CDH3: variants seen among roughly 807,000 people sequenced by gnomAD.
CDH3 encodes the protein cadherin-3.
A neutral mutation model predicts 82.0 loss-of-function variants in CDH3; 54 were observed. The ratio of observed to expected loss-of-function variants is 0.66; its 90% CI spans 0.53 to 0.83. The LOEUF is 0.83. Ranked by LOEUF, CDH3 falls within the 40% of genes least tolerant of loss-of-function variation. The probability of loss-of-function intolerance (pLI) is 0.00; values close to 1 mark genes in which losing one functional copy is unlikely to be tolerated. For missense variants in CDH3, 1,054 were observed against 1,084.6 expected (o/e 0.97, Z 0.40); for synonymous variants, 446 against 437.9 (o/e 1.02, Z -0.23).
chr16:68,688,812 G>C (rs748257581), intron 12 of CDH3, among the ~76,000 whole-genome samples: 18 of 152,068 alleles, frequency 1.2e-4, no homozygotes, highest in Non-Finnish European at 2.4e-4. Context: ...TAAAGGCATG[G>C]TTTTGCCATG....
rs1961981910 is a variant in CDH3, at chr16:68,707,769, A to C, written c.99+11846A>C. ...CTCGCTTGGTATTAGGCCCTCTCCA[A>C]GTTAGAGGTGGGGTGGGAAGCCACC... On this transcript the variant is annotated intron_variant, in intron 1 of 2. Transcript: ENST00000569080. This position sits in a 1 kb window ranked among gnomAD's most constrained non-coding sequence, Gnocchi z 4.5. Among the ~76,000 whole-genome samples the C allele has an allele frequency of 2.0e-5, 3 of 151,586 alleles. No individual in the cohort carries two copies. Among genetic ancestry groups the C allele is most frequent in the African/African-American group, 7.3e-5 (3 of 41,242 alleles).
At chr16:68,704,257 C>G (rs776075046), downstream of CDH3, among the ~76,000 whole-genome samples, 2 of 150,920 alleles carry the variant, frequency 1.3e-5, no homozygotes, top group African/African-American at 4.9e-5. Flanking sequence ...ACTGCACTCC[C>G]GCCTGGGCCA....
In CDH3 at chr16:68,698,487, G is replaced by A. The variant is rs555473968; in HGVS notation, c.*87G>A. 17 of 1,260,000 alleles carry A rather than the reference G, an allele frequency of 1.3e-5. No homozygotes were observed. Among genetic ancestry groups the A allele is most frequent in the Admixed American group, 1.8e-5 (1 of 54,604 alleles). 78.1% of individuals were successfully genotyped at this position (1,260,000 alleles called of 1,614,324 possible). A position where few individuals can be genotyped will look rare whatever the true frequency, so the allele number is the denominator to read the frequency against. On this transcript the variant is annotated 3_prime_UTR_variant, in exon 16 of 16. Coordinates refer to ENST00000264012, the MANE Select transcript of CDH3 (RefSeq NM_001793.6). ...AGTTCCCCCTTCAGCTGAGGACTTC[G>A]GAGCTTGTCAGGAAGTGGCCGTAGC... is the stretch of plus-strand genomic sequence containing the variant.
At chr16:68,694,287 T>C (rs1597819323) in intron 13 of CDH3, among the ~76,000 whole-genome samples, 1 of 129,086 alleles carries the variant, frequency 7.7e-6, no homozygotes. Flanking sequence ...CACTCCAGTC[T>C]GGGCAACAGA....
intron 3 of CDH3, 115 bp from the exon 4 acceptor site, chr16:68,678,019 G>A (rs1961080644): frequency 4.1e-6 from 4 of 965,106 alleles, no homozygotes; most frequent in Non-Finnish European, 6.7e-6. Flanking sequence ...AAAGTACTGG[G>A]ATTATAGGCG....
intron 15 of CDH3, 77 bp from the exon 16 acceptor site, chr16:68,698,114 C>G (rs1961788022): frequency 7.5e-7 from 1 of 1,326,374 alleles, no homozygotes; most frequent in African/African-American, 1.4e-5. Flanking sequence ...GAGGGGCTCA[C>G]AGAGAGGAAA....
chr16:68,651,364 G>A (rs1960238268), intron 2 of CDH3: 2 of 554,574 alleles, frequency 3.6e-6, no homozygotes, highest in Admixed American at 3.8e-5. Flanking sequence ...CACGGGGGCA[G>A]GATATGGTTC....
intron 12 of CDH3, among the ~76,000 whole-genome samples, chr16:68,689,556 AG>A (rs58822313): frequency 0.57 from 83,954 of 147,982 alleles, 23,845 homozygotes; most frequent in Middle Eastern, 0.62. Context: ...AAAAAAAAAA[AG>A]AAAGAAAGAA....
chr16:68,678,938 G>T lies in CDH3; in HGVS notation c.691+32G>T, dbSNP rs373057862. 2.5e-6 allele frequency: 4 copies of T among 1,610,404 alleles called. No individual in the cohort carries two copies. The African/African-American group carries it at 4.0e-5, about 16-fold the overall frequency. On this transcript the variant is annotated intron_variant, in intron 6 of 15. Transcript: ENST00000264012. ...GGACTGGGAAGGGGACTGCTACGGG[G>T]CTGGGCCCACACCCTTAAATGCTAA...
intron 1 of CDH3, among the ~76,000 whole-genome samples, chr16:68,711,029 G>A (rs1962022861): frequency 6.9e-6 from 1 of 145,066 alleles, no homozygotes; most frequent in Non-Finnish European, 1.5e-5. Flanking sequence ...GAGGGGAGGA[G>A]AGAAGGCGAG....
chr16:68,728,601 T>A (rs530408014), downstream of CDH3, among the ~76,000 whole-genome samples: 1 of 152,324 alleles, frequency 6.6e-6, no homozygotes, highest in Admixed American at 6.5e-5. Flanking sequence ...CAGCCCCTTA[T>A]GAGCTTCTTA....
chr16:68,708,026 C>A (rs2152109633), intron 1 of CDH3, among the ~76,000 whole-genome samples: 1 of 152,088 alleles, frequency 6.6e-6, no homozygotes, highest in Non-Finnish European at 1.5e-5. Context: ...AGACGATGCC[C>A]ACTAATTACA....
At chr16:68,693,847 T>G (rs1839159447) in intron 13 of CDH3, among the ~76,000 whole-genome samples, 1 of 152,122 alleles carries the variant, frequency 6.6e-6, no homozygotes, top group Non-Finnish European at 1.5e-5. Flanking sequence ...CAGGGTTAAC[T>G]GTGTGTAGGC....
chr16:68,721,229 C>CTTTTT (rs71148941), intron 1 of CDH3, among the ~76,000 whole-genome samples: 7 of 114,580 alleles, frequency 6.1e-5, no homozygotes, highest in Non-Finnish European at 8.4e-5. Flanking sequence ...GCAGTTTAGT[C>CTTTTT]TTTTTTTTTT....
Position 68,695,827 on chromosome 16 carries a change from G to C in CDH3, c.2184G>C (p.Val728=). 6.2e-7 allele frequency: 1 copy of C among 1,614,096 alleles called. No homozygotes were observed. ...LHRGLEARPE[V]VLRNDVAPTI... is the part of the protein sequence containing the mutation. ...GAGGTCTGGAGGCCAGGCCGGAGGT[G>C]GTTCTCCGCAATGACGTGGCACCAA... The change falls in exon 15 of 16, where the codon GTG becomes GTC. Residue 728 remains valine, a synonymous_variant. Transcript: ENST00000264012.
At chr16:68,672,542 C>T (rs1255512589) in intron 2 of CDH3, among the ~76,000 whole-genome samples, 1 of 152,196 alleles carries the variant, frequency 6.6e-6, no homozygotes, top group African/African-American at 2.4e-5. Context: ...GTCTACAAAG[C>T]TGTGTGCTGG....
At chr16:68,649,754 C>A (rs1050143799) in intron 2 of CDH3, among the ~76,000 whole-genome samples, 1 of 152,012 alleles carries the variant, frequency 6.6e-6, no homozygotes. Context: ...TACTGAGGGG[C>A]GAGGCGCGGT....
chr16:68,733,618 T>C, the CDH3 span, among the ~76,000 whole-genome samples: 1 of 152,212 alleles, frequency 6.6e-6, no homozygotes, highest in African/African-American at 2.4e-5. Context: ...GACGTGTGTC[T>C]GTAATCACAG....
intron 2 of CDH3, chr16:68,651,605 C>A: frequency 4.0e-6 from 2 of 506,242 alleles, no homozygotes; most frequent in South Asian, 1.6e-5. Flanking sequence ...GCACCTGCAT[C>A]ATGTTCCCAC....
Sources: allele counts gnomAD v4.1 joint callset (sites outside exome capture counted in the v4.1 genomes callset), GRCh38; gene constraint gnomAD v4.1.1; non-coding constraint Gnocchi (gnomAD v3.1); transcripts MANE v1.5; gene names NCBI Gene and HGNC (gene_info 2026-07-23, HGNC 2026-07-21).